MLIP: variants seen among roughly 807,000 people sequenced by gnomAD.
MLIP encodes muscular LMNA-interacting protein.
MLIP carries 79 observed loss-of-function variants against 84.8 expected under a neutral mutation model. That is an observed-to-expected ratio of 0.93 (90% CI 0.78 to 1.12). The LOEUF is 1.12. Ranked by LOEUF, MLIP falls within the 50% of genes most tolerant of loss-of-function variation. MLIP has a pLI of 0.00. For missense variants in MLIP, 1,257 were observed against 1,160.6 expected, an observed-to-expected ratio of 1.08 and a Z score of -1.21; for synonymous variants, 504 against 463.0, an observed-to-expected ratio of 1.09 and a Z score of -1.14.
intron 4 of MLIP, among the ~76,000 whole-genome samples, chr6:54,145,773 C>T (rs540489472): frequency 5.5e-4 from 83 of 149,890 alleles, no homozygotes; most frequent in Non-Finnish European, 1.1e-3. Context: ...AAGACTCTGT[C>T]CCCCACCACC....
At chr6:54,026,714 AGTGTGT>A (rs61442646) in intron 1 of MLIP, among the ~76,000 whole-genome samples, 8 of 149,898 alleles carry the variant, frequency 5.3e-5, no homozygotes, top group East Asian at 2.0e-4. Context: ...CTGTGTCTTC[AGTGTGT>A]GTGTGTGTGT....
chr6:54,080,121 C>T (rs1767041350), intron 1 of MLIP, among the ~76,000 whole-genome samples: 1 of 152,156 alleles, frequency 6.6e-6, no homozygotes, highest in African/African-American at 2.4e-5. Context: ...ACTCCTTCCC[C>T]AGAACTTTTC....
intron 8 of MLIP, among the ~76,000 whole-genome samples, chr6:54,168,958 T>C (rs956674827): frequency 6.7e-6 from 1 of 148,242 alleles, no homozygotes; most frequent in African/African-American, 2.5e-5. Context: ...TAATATGAGA[T>C]AAGAGGTAAA....
intron 1 of MLIP, among the ~76,000 whole-genome samples, chr6:54,101,930 T>C (rs566741619): frequency 7.2e-5 from 11 of 152,302 alleles, no homozygotes; most frequent in African/African-American, 2.6e-4. Flanking sequence ...TGAGAATGGA[T>C]ACTGGAAGCT....
intron 13 of MLIP, among the ~76,000 whole-genome samples, chr6:54,260,817 G>A (rs992991007): frequency 2.6e-5 from 4 of 151,850 alleles, no homozygotes; most frequent in African/African-American, 9.7e-5. Flanking sequence ...TCCATACAAG[G>A]TTTGGAAATT....
At chr6:54,024,097 C>T (rs945580628) in intron 1 of MLIP, among the ~76,000 whole-genome samples, 1 of 152,220 alleles carries the variant, frequency 6.6e-6, no homozygotes, top group Non-Finnish European at 1.5e-5. Context: ...ACTGCAACCT[C>T]CGCCTCCTGG....
chr6:54,204,999 T>C (rs1562054779), intron 11 of MLIP, among the ~76,000 whole-genome samples: 1 of 152,172 alleles, frequency 6.6e-6, no homozygotes, highest in Non-Finnish European at 1.5e-5. Flanking sequence ...CCTGGCCTTA[T>C]TCATTGACCT....
In MLIP at chr6:54,260,900, T is replaced by C. The variant is rs557795453; in HGVS notation, c.2976+3539T>C. 2.5e-3 allele frequency among the ~76,000 whole-genome samples: 375 copies of C among 152,064 alleles called. 1 individual carries two copies. Among genetic ancestry groups the C allele is most frequent in the African/African-American group, 8.8e-3 (366 of 41,514 alleles). ...GCTTAGGGCATTCCAAACAGTGTTT[T>C]ATTTGTACTTTATATGACACTTAAA... is the stretch of plus-strand genomic sequence containing the variant. On this transcript the variant is annotated intron_variant, in intron 13 of 13. Transcript: ENST00000502396.
chr6:54,227,521 C>T (rs1024964427), intron 11 of MLIP, among the ~76,000 whole-genome samples: 2 of 152,164 alleles, frequency 1.3e-5, no homozygotes, highest in African/African-American at 2.4e-5. Context: ...GATATACCCA[C>T]GCCAAAGCGC....
intron 10 of MLIP, among the ~76,000 whole-genome samples, chr6:54,200,131 A>G (rs1311047633): frequency 1.3e-5 from 2 of 152,268 alleles, no homozygotes; most frequent in East Asian, 1.9e-4. Flanking sequence ...AACCAACCAG[A>G]AGAGTCTCTC....
intron 5 of MLIP, among the ~76,000 whole-genome samples, chr6:54,150,514 C>T (rs1188399511): frequency 6.6e-6 from 1 of 152,168 alleles, no homozygotes; most frequent in Non-Finnish European, 1.5e-5. Flanking sequence ...AACCTGGTCA[C>T]AAGTGTGTGC....
At chr6:54,097,864 G>A (rs1768326724) in intron 1 of MLIP, among the ~76,000 whole-genome samples, 1 of 152,156 alleles carries the variant, frequency 6.6e-6, no homozygotes, top group Non-Finnish European at 1.5e-5. Flanking sequence ...CACACAAACT[G>A]TAAATGGCAG....
intron 11 of MLIP, among the ~76,000 whole-genome samples, chr6:54,208,534 T>C (rs1779199812): frequency 1.3e-5 from 2 of 152,234 alleles, no homozygotes; most frequent in South Asian, 4.1e-4. Context: ...GGCAGTGATC[T>C]ATAATTGTGC....
At chr6:54,093,512 G>A (rs1768003139) in intron 1 of MLIP, among the ~76,000 whole-genome samples, 1 of 152,118 alleles carries the variant, frequency 6.6e-6, no homozygotes, top group Admixed American at 6.6e-5. Context: ...GAAATCCAGA[G>A]TCTGGCAACA....
intron 9 of MLIP, among the ~76,000 whole-genome samples, chr6:54,183,406 G>T (rs1777079619): frequency 6.6e-6 from 1 of 152,120 alleles, no homozygotes. Context: ...AGATGAGGAG[G>T]CAGAGAAGAG....
In MLIP at chr6:54,063,906, C is replaced by T. The variant is rs538261462; in HGVS notation, c.63+44815C>T. Among the ~76,000 whole-genome samples, 37 of 103,328 alleles carry T rather than the reference C, an allele frequency of 3.6e-4. 2 individuals carry two copies. Among genetic ancestry groups the T allele is most frequent in the African/African-American group, 8.0e-4 (32 of 39,976 alleles). The allele number at this position is 103,328 out of a possible 152,430, so 67.8% of individuals were successfully genotyped here. On this transcript the variant is annotated intron_variant, in intron 1 of 12. Coordinates refer to the MLIP transcript ENST00000274897. ...ATCTAAGAGTTAGAAAGTACACTTA[C>T]GGCTTCAAATTAAATAATTTGTTTT...
At chr6:54,168,626 G>A (rs763341379) in intron 8 of MLIP, among the ~76,000 whole-genome samples, 12 of 151,812 alleles carry the variant, frequency 7.9e-5, no homozygotes, top group Non-Finnish European at 1.3e-4. Flanking sequence ...ACACAAATAT[G>A]TATTGAGTGG....
intron 1 of MLIP, among the ~76,000 whole-genome samples, chr6:54,057,667 T>A (rs1765738555): frequency 6.6e-6 from 1 of 152,210 alleles, no homozygotes. Flanking sequence ...GTCCACTAAT[T>A]TTTTTAAGGC....
chr6:54,119,883 T>C (rs1220450184), intron 1 of MLIP, among the ~76,000 whole-genome samples: 1 of 152,238 alleles, frequency 6.6e-6, no homozygotes, highest in East Asian at 1.9e-4. Flanking sequence ...TTACCACGTT[T>C]GTGAGCTCTT....
Sources: gnomAD v4.1 joint callset for allele counts (sites outside exome capture counted in the v4.1 genomes callset) on GRCh38, gnomAD v4.1.1 for gene constraint, MANE v1.5 for transcripts, NCBI Gene and HGNC (gene_info 2026-07-23, HGNC 2026-07-21) for gene names.